The following DNAJB6 variants were observed in gnomAD, a reference collection of about 807,000 sequenced individuals.
The protein encoded by DNAJB6 is DnaJ heat shock protein family (Hsp40) member B6.
A neutral mutation model predicts 42.7 loss-of-function variants in DNAJB6; 16 were observed. The ratio of observed to expected loss-of-function variants is 0.37; its 90% CI spans 0.25 to 0.57. DNAJB6 has a LOEUF of 0.57. DNAJB6 is among the 20% of genes least tolerant of loss of function. The pLI is 0.74. For missense variants in DNAJB6, 347 were observed against 416.8 expected, an observed-to-expected ratio of 0.83 and a Z score of 1.46; for synonymous variants, 170 against 163.5, an observed-to-expected ratio of 1.04 and a Z score of -0.30.
rs927835750 is a variant in DNAJB6 at position 157,397,511 on chromosome 7, T to G, written c.691+11900T>G. ...TTGGCGGGGTTTCGTGAGCCTCTTA[T>G]GCTGGGAGGAATCCAACAGGAGACT... On this transcript the variant is annotated intron_variant, in intron 8 of 9. Coordinates refer to ENST00000262177, the MANE Select transcript of DNAJB6 (RefSeq NM_058246.4). Among the ~76,000 whole-genome samples the G allele has an allele frequency of 3.9e-5, 6 of 152,214 alleles. 1 individual carries two copies. The South Asian group carries it at 6.2e-4, about 16-fold the overall frequency.
At chr7:157,401,990 G>C (rs985629984) in intron 8 of DNAJB6, among the ~76,000 whole-genome samples, 1 of 152,214 alleles carries the variant, frequency 6.6e-6, no homozygotes, top group Non-Finnish European at 1.5e-5. Flanking sequence ...AGAAGGCCTT[G>C]AGGGCTCCTT....
chr7:157,387,160 C>T lies in DNAJB6; in HGVS notation c.691+1549C>T, dbSNP rs145102305. ...ACGCCAGAGCCCTTAAGCAACCTCA[C>T]GTGCTGTTACTGAAAATAAGTAAAA... On this transcript the variant is annotated intron_variant, in intron 8 of 9. Coordinates refer to ENST00000262177, the MANE Select transcript of DNAJB6 (RefSeq NM_058246.4). Among the ~76,000 whole-genome samples, 6 of 152,240 alleles carry T rather than the reference C, an allele frequency of 3.9e-5. No homozygotes were observed. In the East Asian group the frequency reaches 5.8e-4, roughly 15 times the overall value.
chr7:157,404,989 T>C (rs1176159066), intron 8 of DNAJB6, among the ~76,000 whole-genome samples: 1 of 152,148 alleles, frequency 6.6e-6, no homozygotes, highest in Non-Finnish European at 1.5e-5. Context: ...GTGAACACAT[T>C]GATGTGGTCT....
In DNAJB6 at chr7:157,384,888, T is replaced by G; in HGVS notation, c.500T>G (p.Leu167Arg). The stretch of plus-strand genomic sequence containing the variant: ...GTAGGATTTACTTCATTTGGGTCAC[T>G]AGGTCACGGGGGCCTCACTTCATTC... Reference protein sequence around the residue: ...FDTGFTSFGSLGHGGLTSFSS... With the variant: ...FDTGFTSFGSRGHGGLTSFSS... The change falls in exon 7 of 10, where the codon CTA becomes CGA. Residue 167 changes from leucine to arginine, a missense_variant. Leu to Arg is a moderately radical substitution (Grantham distance 102). Around this residue, in one of 3 missense-constraint regions of DNAJB6, gnomAD observed 264 missense variants for 288.0 expected, o/e 0.92. Coordinates refer to ENST00000262177, the MANE Select transcript of DNAJB6 (RefSeq NM_058246.4). The G allele has an allele frequency of 6.2e-7, 1 of 1,612,952 alleles. No homozygotes were observed. Among genetic ancestry groups the G allele is most frequent in the Non-Finnish European group, 8.5e-7 (1 of 1,179,786 alleles).
At chr7:157,379,031 T>C (rs1800616537) in intron 5 of DNAJB6, 1 of 146,564 alleles carries the variant, frequency 6.8e-6, no homozygotes, top group Non-Finnish European at 1.6e-5. Context: ...TGAAAAATTA[T>C]ATTTAAGCTA....
chr7:157,409,712 G>A (rs915570842), intron 8 of DNAJB6, 83 bp from the exon 9 acceptor site: 2 of 1,400,136 alleles, frequency 1.4e-6, no homozygotes, highest in East Asian at 2.6e-5. Context: ...GAGATCGTGC[G>A]GCCAGCTTCC....
intron 6 of DNAJB6, 113 bp downstream of exon 6, chr7:157,382,490 T>C (rs1800836403): frequency 1.5e-5 from 18 of 1,222,466 alleles, no homozygotes; most frequent in African/African-American, 4.7e-5. Flanking sequence ...TTTCGTAGAA[T>C]AGCATTGTGG....
At chr7:157,370,779 TC>T (rs1800169539) in intron 5 of DNAJB6, 1 of 152,642 alleles carries the variant, frequency 6.6e-6, no homozygotes, top group Non-Finnish European at 1.5e-5. Context: ...CTAGATGACT[TC>T]CATTTTCAGG....
At chr7:157,354,851 A>T (rs1427630612) in intron 1 of DNAJB6, among the ~76,000 whole-genome samples, 1 of 152,172 alleles carries the variant, frequency 6.6e-6, no homozygotes, top group Non-Finnish European at 1.5e-5. Flanking sequence ...TGAACATTTC[A>T]CAGGCACCTC....
intron 8 of DNAJB6, among the ~76,000 whole-genome samples, chr7:157,392,604 C>G (rs934692111): frequency 1.3e-5 from 2 of 152,152 alleles, no homozygotes; most frequent in African/African-American, 4.8e-5. Flanking sequence ...TGGTTTCTTG[C>G]ACCCTGTATG....
intron 5 of DNAJB6, among the ~76,000 whole-genome samples, chr7:157,369,853 G>T (rs910489682): frequency 1.5e-5 from 2 of 137,704 alleles, no homozygotes; most frequent in East Asian, 4.2e-4. Context: ...ATTATTAAAC[G>T]GGCCCCTTCT....
At chr7:157,388,247 T>A (rs1313332905) in intron 8 of DNAJB6, among the ~76,000 whole-genome samples, 1 of 152,236 alleles carries the variant, frequency 6.6e-6, no homozygotes, top group Non-Finnish European at 1.5e-5. Context: ...ATCTTACACC[T>A]TTCATTTTTA....
chr7:157,369,451 T>C (rs569399083), intron 5 of DNAJB6: 2 of 456,480 alleles, frequency 4.4e-6, no homozygotes, highest in East Asian at 6.9e-5. Context: ...TCCAACACCA[T>C]GGCTTCTCTT....
intron 4 of DNAJB6, among the ~76,000 whole-genome samples, chr7:157,367,171 C>G (rs967969598): frequency 2.0e-5 from 3 of 152,238 alleles, no homozygotes; most frequent in Non-Finnish European, 4.4e-5. Flanking sequence ...GGGGCCACTG[C>G]TGCACTCATA....
At chr7:157,365,455 G>T (rs1309083751) in intron 3 of DNAJB6, among the ~76,000 whole-genome samples, 1 of 152,202 alleles carries the variant, frequency 6.6e-6, no homozygotes, top group African/African-American at 2.4e-5. Flanking sequence ...TTAGGTTGGC[G>T]CCTTTCTGGC....
At chr7:157,382,147 A>T in intron 5 of DNAJB6, 99 bp from the exon 6 acceptor site, 1 of 1,369,474 alleles carries the variant, frequency 7.3e-7, no homozygotes, top group Non-Finnish European at 9.7e-7. Flanking sequence ...TTTGTTCCTG[A>T]ATATGTTACA....
intron 8 of DNAJB6, among the ~76,000 whole-genome samples, chr7:157,407,170 A>G (rs1232023862): frequency 6.6e-6 from 1 of 151,972 alleles, no homozygotes; most frequent in Non-Finnish European, 1.5e-5. Flanking sequence ...GGCTTCCCAG[A>G]GCCAGGATGA....
At chr7:157,381,840 C>T (rs1800794289) in intron 5 of DNAJB6, 1 of 155,600 alleles carries the variant, frequency 6.4e-6, no homozygotes, top group Admixed American at 6.5e-5. Flanking sequence ...GAGAAGGCAA[C>T]TCAGACTCCA....
intron 8 of DNAJB6, among the ~76,000 whole-genome samples, chr7:157,394,869 C>T (rs1295748426): frequency 1.3e-5 from 2 of 152,194 alleles, no homozygotes; most frequent in African/African-American, 2.4e-5. Flanking sequence ...GGCTGAGCTG[C>T]GTGGCGGGTG....
Sources: gnomAD v4.1 joint callset for allele counts (sites outside exome capture counted in the v4.1 genomes callset) on GRCh38, gnomAD v4.1.1 for gene constraint, gnomAD v4.1.1 regional missense constraint, MANE v1.5 for transcripts, NCBI Gene and HGNC (gene_info 2026-07-23, HGNC 2026-07-21) for gene names.